IFT52: variants seen among roughly 807,000 people sequenced by gnomAD.
IFT52 encodes the protein intraflagellar transport protein 52 homolog.
Under a neutral mutation model 54.4 loss-of-function variants are expected in IFT52, and 44 were observed. The observed-to-expected ratio is 0.81, with a 90% CI of 0.63 to 1.04. The LOEUF is 1.04. Ranked by LOEUF, IFT52 falls within the 50% of genes least tolerant of loss-of-function variation. The pLI, the probability that IFT52 is intolerant of heterozygous loss-of-function variation, is 0.00. For synonymous variants in IFT52, 181 were observed against 185.3 expected (o/e 0.98, Z 0.19); for missense variants, 452 against 523.6 (o/e 0.86, Z 1.33).
Position 43,634,947 on chromosome 20 carries a change from G to A in IFT52, c.924-979G>A, listed in dbSNP as rs142884860. ...GCACTTTGGGAGACTGAGGCGGGTG[G>A]ATCACGAGGTCAGGAGTTCAAGACC... On this transcript the variant is annotated intron_variant, in intron 10 of 13. Transcript: ENST00000373030. Among the ~76,000 whole-genome samples the A allele has an allele frequency of 7.7e-3, 1,169 of 152,142 alleles. 21 individuals are homozygous for A. The highest frequency in any genetic ancestry group is 0.026 in the African/African-American group (1,090 of 41,514).
intron 13 of IFT52, 57 bp downstream of exon 13, chr20:43,642,681 A>G: frequency 6.5e-7 from 1 of 1,533,452 alleles, no homozygotes; most frequent in South Asian, 1.2e-5. Flanking sequence ...GGTATCTTCC[A>G]TGGACTGTGC....
At chr20:43,603,977 A>G in intron 4 of IFT52, 88 bp downstream of exon 4, 1 of 1,068,386 alleles carries the variant, frequency 9.4e-7, no homozygotes. Flanking sequence ...GGCATAATGG[A>G]AAAAGCCCTG....
At chr20:43,637,509 C>T (rs1401051179) in intron 12 of IFT52, among the ~76,000 whole-genome samples, 2 of 152,126 alleles carry the variant, frequency 1.3e-5, no homozygotes, top group Non-Finnish European at 2.9e-5. Context: ...GCGATCAGCC[C>T]GCCTCGGCCT....
At chr20:43,605,303 T>C in intron 6 of IFT52, 1 of 1,153,168 alleles carries the variant, frequency 8.7e-7, no homozygotes, top group Non-Finnish European at 1.1e-6. Context: ...CCTAGCACTT[T>C]TGGGAGGCCG....
chr20:43,633,256 T>A (rs1336071033), intron 10 of IFT52, among the ~76,000 whole-genome samples: 2 of 151,888 alleles, frequency 1.3e-5, no homozygotes, highest in Non-Finnish European at 2.9e-5. Flanking sequence ...GGCAGGAGAA[T>A]TGCTTGAACC....
In IFT52 at chr20:43,624,206, AGG is replaced by A. The variant is rs1984555831; in HGVS notation, c.923+164_923+165del. ...CAACAAAGAAACTGGGCTGGGCATG[AGG>A]GGTTGATGTAGAGGAACTGCCAGAG... On this transcript the variant is annotated intron_variant, in intron 10 of 13. Transcript: ENST00000373030. 83 of 787,700 alleles carry A rather than the reference AGG, an allele frequency of 1.1e-4. 1 individual carries two copies. In the South Asian group the frequency reaches 1.3e-3, roughly 13 times the overall value. 48.8% of individuals were successfully genotyped at this position (787,700 alleles called of 1,614,324 possible). A position where few individuals can be genotyped will look rare whatever the true frequency, so the allele number is the denominator to read the frequency against.
At chr20:43,615,779 T>C (rs1228251819) in intron 7 of IFT52, among the ~76,000 whole-genome samples, 1 of 151,552 alleles carries the variant, frequency 6.6e-6, no homozygotes, top group African/African-American at 2.4e-5. Flanking sequence ...TCTACTAAAA[T>C]TACAAAAATT....
At chr20:43,638,766 G>C (rs1254569480) in intron 12 of IFT52, among the ~76,000 whole-genome samples, 1 of 152,174 alleles carries the variant, frequency 6.6e-6, no homozygotes, top group Non-Finnish European at 1.5e-5. Flanking sequence ...ACAAAGGCTA[G>C]GGAATGACAC....
intron 1 of IFT52, among the ~76,000 whole-genome samples, chr20:43,593,385 A>G (rs1028022277): frequency 1.3e-5 from 2 of 152,244 alleles, no homozygotes; most frequent in African/African-American, 2.4e-5. Flanking sequence ...TTTGGAAATG[A>G]TTTACTCAGC....
At chr20:43,627,925 T>TG (rs1444140110) in intron 10 of IFT52, among the ~76,000 whole-genome samples, 1 of 140,928 alleles carries the variant, frequency 7.1e-6, no homozygotes, top group Non-Finnish European at 1.5e-5. Flanking sequence ...AGAGAGAGTT[T>TG]TTTTTTTTTT....
At chr20:43,627,612 C>G (rs935174341) in intron 10 of IFT52, among the ~76,000 whole-genome samples, 1 of 152,160 alleles carries the variant, frequency 6.6e-6, no homozygotes, top group Non-Finnish European at 1.5e-5. Flanking sequence ...TATTTTTATA[C>G]TGGTGGGAAT....
chr20:43,623,571 G>C (rs907263822), intron 9 of IFT52, among the ~76,000 whole-genome samples: 3 of 152,200 alleles, frequency 2.0e-5, no homozygotes, highest in Non-Finnish European at 2.9e-5. Context: ...GTAGTTGATT[G>C]CTGAGCGCTC....
intron 10 of IFT52, among the ~76,000 whole-genome samples, chr20:43,630,227 C>G (rs1458377277): frequency 6.6e-6 from 1 of 152,154 alleles, no homozygotes; most frequent in African/African-American, 2.4e-5. Flanking sequence ...TACATCTGAC[C>G]ACTCCGCTAG....
At position 43,604,277 on chromosome 20, in the gene IFT52, G is replaced by A. The variant is rs373463766; in HGVS notation, c.413+19G>A. The A allele has an allele frequency of 7.2e-5, 114 of 1,573,416 alleles. No homozygotes were observed. In the African/African-American group the frequency reaches 1.4e-3, roughly 19 times the overall value. On this transcript the variant is annotated intron_variant, in intron 5 of 13. Coordinates refer to ENST00000373030, the MANE Select transcript of IFT52 (RefSeq NM_016004.5). The stretch of plus-strand genomic sequence containing the variant: ...TGAACAGGTAAGCATGTTGAAAGCA[G>A]AAATATCTTGGCAAGGCATCGTCGC...
intron 3 of IFT52, among the ~76,000 whole-genome samples, chr20:43,598,324 A>G (rs937063955): frequency 2.0e-5 from 3 of 152,152 alleles, no homozygotes; most frequent in Admixed American, 1.3e-4. Context: ...TTGCTGCTTA[A>G]TAGGTATAGA....
At chr20:43,608,497 A>G (rs1329684092) in intron 6 of IFT52, among the ~76,000 whole-genome samples, 1 of 152,000 alleles carries the variant, frequency 6.6e-6, no homozygotes, top group Admixed American at 6.6e-5. Context: ...CCATTTTTCA[A>G]TTGATGGTTT....
chr20:43,596,528 A>G lies in IFT52; in HGVS notation c.207+6A>G. 1 of 1,554,060 alleles carries G rather than the reference A, an allele frequency of 6.4e-7. No individual in the cohort carries two copies. The highest frequency in any genetic ancestry group is 8.9e-7 in the Non-Finnish European group (1 of 1,126,822). On this transcript the variant is annotated splice_donor_region_variant and intron_variant, in intron 3 of 13. Transcript: ENST00000373030. ...AAAAATTTACTGCAGCTGAGGTAAG[A>G]AATATCCACTAAAGAAGGAATATGG... is the stretch of plus-strand genomic sequence containing the variant.
chr20:43,595,007 C>T (rs1046729358), intron 2 of IFT52, among the ~76,000 whole-genome samples, 190 bp downstream of exon 2: 4 of 150,492 alleles, frequency 2.7e-5, no homozygotes, highest in African/African-American at 7.3e-5. Flanking sequence ...CTGAGGCGGG[C>T]GGATCACGAG....
chr20:43,613,719 T>C, intron 6 of IFT52, 131 bp from the exon 7 acceptor site: 2 of 843,272 alleles, frequency 2.4e-6, no homozygotes, highest in Non-Finnish European at 3.8e-6. Context: ...ATCGCACCAC[T>C]GCACTGCAGC....
Sources: allele counts gnomAD v4.1 joint callset (sites outside exome capture counted in the v4.1 genomes callset), GRCh38; gene constraint gnomAD v4.1.1; transcripts MANE v1.5; gene names NCBI Gene and HGNC (gene_info 2026-07-23, HGNC 2026-07-21).